Variants in NBPF11 observed in about 807,000 individuals in gnomAD.
NBPF11 encodes the protein NBPF member 11.
NBPF11 carries 72 observed loss-of-function variants against 93.9 expected under a neutral mutation model. The observed-to-expected ratio is 0.77, with a 90% CI of 0.63 to 0.93. The LOEUF (loss-of-function observed/expected upper bound fraction) is 0.93. Ranked by LOEUF, NBPF11 falls within the 40% of genes least tolerant of loss-of-function variation. The pLI is 0.00. For synonymous variants in NBPF11, 224 were observed against 304.9 expected, an observed-to-expected ratio of 0.73 and a Z score of 2.76; for missense variants, 705 against 802.2, an observed-to-expected ratio of 0.88 and a Z score of 1.46.
At chr1:148,118,590 C>T (rs1274995658) in intron 11 of NBPF11, 30 bp downstream of exon 11, 12 of 1,586,740 alleles carry the variant, frequency 7.6e-6, no homozygotes, top group Non-Finnish European at 1.0e-5. Context: ...CACACCTGCC[C>T]CCCTGCCTGC....
chr1:148,116,621 C>T, intron 12 of NBPF11, 86 bp from the exon 13 acceptor site: 1 of 610,040 alleles, frequency 1.6e-6, no homozygotes. Flanking sequence ...GGGACATGAA[C>T]ATCTAGGCAT....
In NBPF11 at chr1:148,103,495, T is replaced by C; in HGVS notation, c.*401A>G. 6 of 1,204,120 alleles carry C rather than the reference T, an allele frequency of 5.0e-6. No individual in the cohort carries two copies. The highest frequency in any genetic ancestry group is 1.5e-5 in the South Asian group (1 of 68,860). 74.6% of individuals were successfully genotyped at this position (1,204,120 alleles called of 1,614,324 possible). On this transcript the variant is annotated 3_prime_UTR_variant, in exon 24 of 24. Coordinates refer to ENST00000682118, the MANE Select transcript of NBPF11 (RefSeq NM_001385469.3). ...TGTCACACCTAACGTGGGTCCATTG[T>C]CTTCAGACTGAGCACAGGTTGCCAC...
chr1:148,134,132 G>T (rs3992734), intron 4 of NBPF11, among the ~76,000 whole-genome samples: 1 of 151,920 alleles, frequency 6.6e-6, no homozygotes, highest in African/African-American at 2.4e-5. Context: ...TTACATGCAC[G>T]CCGCTGTTCC....
At chr1:148,122,632 C>G in intron 8 of NBPF11, 97 bp downstream of exon 8, 5 of 1,540,968 alleles carry the variant, frequency 3.2e-6, no homozygotes, top group South Asian at 1.1e-5. Context: ...CAAGGGAATG[C>G]GGGCTTTTGG....
intron 7 of NBPF11, 95 bp downstream of exon 7, chr1:148,123,758 A>C: frequency 6.2e-7 from 1 of 1,608,508 alleles, no homozygotes. Context: ...GTAGAAAAAA[A>C]CCCCACTGAT....
intron 7 of NBPF11, among the ~76,000 whole-genome samples, chr1:148,123,106 G>A (rs1226502508): frequency 1.3e-5 from 2 of 152,000 alleles, no homozygotes; most frequent in Admixed American, 6.5e-5. Flanking sequence ...TCCTGCCACA[G>A]ATCTGATTCC....
At chr1:148,114,351 T>C in intron 15 of NBPF11, 86 bp downstream of exon 15, 1 of 592,046 alleles carries the variant, frequency 1.7e-6, no homozygotes. Context: ...AAGAAATAGT[T>C]CTATTCATCA....
At chr1:148,149,176 G>A (rs1194122256) in intron 1 of NBPF11, 23 of 1,589,494 alleles carry the variant, frequency 1.4e-5, no homozygotes, top group East Asian at 9.0e-5. Flanking sequence ...GCATCAGCCC[G>A]GACAGCATCA....
intron 1 of NBPF11, chr1:148,146,348 T>C (rs1673064832): frequency 2.1e-6 from 3 of 1,461,238 alleles, no homozygotes; most frequent in Non-Finnish European, 2.7e-6. Flanking sequence ...CCGGGCGGCG[T>C]TGTTGGCGGG....
At chr1:148,151,424 G>A (rs1473082457) in intron 1 of NBPF11, among the ~76,000 whole-genome samples, 2 of 152,014 alleles carry the variant, frequency 1.3e-5, no homozygotes, top group South Asian at 2.1e-4. Context: ...GGTGGGGTGC[G>A]AAGTCAGTGT....
chr1:148,151,864 C>T lies in NBPF11; in HGVS notation c.-663G>A, dbSNP rs1316534855. 1 of 152,404 alleles carries T rather than the reference C, an allele frequency of 6.6e-6. No individual in the cohort carries two copies. Among genetic ancestry groups the T allele is most frequent in the Non-Finnish European group, 1.5e-5 (1 of 68,354 alleles). 9.4% of individuals were successfully genotyped at this position (152,404 alleles called of 1,614,324 possible). On this transcript the variant is annotated 5_prime_UTR_variant, in exon 1 of 24. Transcript: ENST00000682118. ...CCGCAGGTCGCCCGTCCCGCGTTCC[C>T]AAAATCACCAGGCTCACTCAGAAGC...
rs1440124039 is a variant in NBPF11, at chr1:148,149,209, C to T, written c.-549+2541G>A. 5.8e-5 allele frequency: 90 copies of T among 1,547,880 alleles called. 4 individuals carry two copies. The highest frequency in any genetic ancestry group is 1.9e-5 in the Non-Finnish European group (22 of 1,144,884). ...TCATCCTGTACGGGCAGAGCATCGG[C>T]ACGGTGCCCACCATGGACCTGGCCT... On this transcript the variant is annotated intron_variant, in intron 1 of 23. Transcript: ENST00000682118.
chr1:148,148,875 C>T (rs1647443268), intron 1 of NBPF11, among the ~76,000 whole-genome samples: 1 of 151,568 alleles, frequency 6.6e-6, no homozygotes, highest in Non-Finnish European at 1.5e-5. Flanking sequence ...CCCTTACCCC[C>T]GCCCCAGGGG....
intron 4 of NBPF11, chr1:148,129,655 C>G (rs1669978096): frequency 5.7e-6 from 1 of 176,262 alleles, no homozygotes; most frequent in African/African-American, 2.4e-5. Context: ...CAAGCTTTGT[C>G]ATGAATGGGC....
At chr1:148,151,222 T>A (rs1648226253) in intron 1 of NBPF11, among the ~76,000 whole-genome samples, 1 of 151,836 alleles carries the variant, frequency 6.6e-6, no homozygotes, top group Non-Finnish European at 1.5e-5. Context: ...GCCCCGCTAG[T>A]CATGAGATGA....
At chr1:148,139,495 A>C (rs1381782470) in intron 2 of NBPF11, among the ~76,000 whole-genome samples, 3 of 149,492 alleles carry the variant, frequency 2.0e-5, no homozygotes, top group Non-Finnish European at 4.4e-5. Flanking sequence ...GGAATTTGGG[A>C]AGTGACAAAA....
At chr1:148,105,306 T>A (rs1663276077) in intron 22 of NBPF11, 54 bp downstream of exon 22, 2 of 730,592 alleles carry the variant, frequency 2.7e-6, no homozygotes, top group Non-Finnish European at 2.5e-6. Context: ...AGGAATATGA[T>A]CTTTATATGG....
intron 1 of NBPF11, chr1:148,146,915 G>A (rs1382352002): frequency 1.2e-6 from 2 of 1,610,328 alleles, no homozygotes; most frequent in East Asian, 2.2e-5. Context: ...CAGGCCCTGC[G>A]CACCAGGTGA....
intron 18 of NBPF11, among the ~76,000 whole-genome samples, 192 bp downstream of exon 18, chr1:148,108,290 A>G (rs1184353613): frequency 2.0e-5 from 3 of 151,916 alleles, no homozygotes; most frequent in Admixed American, 6.6e-5. Context: ...CTAGGAAGAG[A>G]GCCTTGCTCA....
Sources: allele counts gnomAD v4.1 joint callset (sites outside exome capture counted in the v4.1 genomes callset), GRCh38; gene constraint gnomAD v4.1.1; transcripts MANE v1.5; gene names NCBI Gene and HGNC (gene_info 2026-07-23, HGNC 2026-07-21).